Variants in C8A observed in about 807,000 individuals in gnomAD.
C8A encodes the protein complement component C8 alpha chain.
A neutral mutation model predicts 65.3 loss-of-function variants in C8A; 67 were observed. The ratio of observed to expected loss-of-function variants is 1.03; its 90% CI spans 0.84 to 1.26. The LOEUF (loss-of-function observed/expected upper bound fraction) is 1.26, where lower values mean the gene tolerates loss of function less well. Among genes scored for constraint, C8A ranks in the 50% most tolerant of loss-of-function variants. C8A has a pLI of 0.00. For synonymous variants in C8A, 290 were observed against 259.4 expected, an observed-to-expected ratio of 1.12 and a Z score of -1.13; for missense variants, 781 against 723.9, an observed-to-expected ratio of 1.08 and a Z score of -0.90.
At chr1:56,891,606 G>T in intron 7 of C8A, among the ~76,000 whole-genome samples, 1 of 152,106 alleles carries the variant, frequency 6.6e-6, no homozygotes, top group Non-Finnish European at 1.5e-5. Flanking sequence ...ATAGATTTGG[G>T]ATGTATTTTG....
intron 1 of C8A, among the ~76,000 whole-genome samples, chr1:56,865,408 C>T (rs371571785): frequency 1.4e-4 from 21 of 152,314 alleles, no homozygotes; most frequent in Non-Finnish European, 2.2e-4. Context: ...TGTGTCCTCA[C>T]GTGGTGGAAG....
At chr1:56,885,615 G>A (rs1378730238) in intron 6 of C8A, among the ~76,000 whole-genome samples, 1 of 146,606 alleles carries the variant, frequency 6.8e-6, no homozygotes, top group Non-Finnish European at 1.5e-5. Context: ...AGGCTGGAGC[G>A]ATCTCGGCTC....
chr1:56,881,593 T>C lies in C8A; in HGVS notation c.613T>C (p.Tyr205His). ...ERLYYGDDEK[Y>H]FRKPYNFLKY... Reference sequence around the variant, plus strand: ...TCTCTACTATGGAGATGATGAGAAATACTTTCGGAAACCCTACAACTTTCT... The same window carrying C: ...TCTCTACTATGGAGATGATGAGAAACACTTTCGGAAACCCTACAACTTTCT... Residue 205 changes from tyrosine (Y) to histidine (H), a missense_variant, in exon 5 of 11, where the codon TAC (tyrosine) becomes CAC (histidine). Physicochemically the swap from Tyr to His is moderately conservative, Grantham distance 83. Transcript: ENST00000361249. The C allele has an allele frequency of 1.2e-6, 2 of 1,613,716 alleles. No homozygotes were observed. Among genetic ancestry groups the C allele is most frequent in the Non-Finnish European group, 1.7e-6 (2 of 1,179,766 alleles).
intron 2 of C8A, among the ~76,000 whole-genome samples, chr1:56,873,993 C>A (rs942377802): frequency 1.3e-5 from 2 of 152,096 alleles, no homozygotes; most frequent in African/African-American, 4.8e-5. Flanking sequence ...CATTTTAATT[C>A]CTTCCTTCTG....
At chr1:56,888,965 TATA>T (rs1557707651) in intron 7 of C8A, among the ~76,000 whole-genome samples, 1 of 152,162 alleles carries the variant, frequency 6.6e-6, no homozygotes, top group Non-Finnish European at 1.5e-5. Context: ...GTGGTTGTGG[TATA>T]GCCTTTCATT....
chr1:56,856,878 T>C (rs1158300294), intron 1 of C8A, among the ~76,000 whole-genome samples: 3 of 152,034 alleles, frequency 2.0e-5, no homozygotes, highest in African/African-American at 7.2e-5. Flanking sequence ...GAGAAAAACA[T>C]TTTAAAACAA....
At chr1:56,915,354 A>T (rs1423057771) in intron 10 of C8A, among the ~76,000 whole-genome samples, 1 of 152,178 alleles carries the variant, frequency 6.6e-6, no homozygotes, top group Non-Finnish European at 1.5e-5. Context: ...GGCCAGTTCC[A>T]TCTTCCATGG....
intron 1 of C8A, among the ~76,000 whole-genome samples, chr1:56,860,597 CT>C (rs1482446377): frequency 6.6e-6 from 1 of 152,096 alleles, no homozygotes; most frequent in Non-Finnish European, 1.5e-5. Context: ...TAACAAGGAG[CT>C]GCTTAAAAGA....
intron 5 of C8A, 72 bp downstream of exon 5, chr1:56,881,706 G>A (rs1644250214): frequency 2.1e-6 from 3 of 1,396,084 alleles, no homozygotes; most frequent in Non-Finnish European, 3.0e-6. Context: ...TATTTGTGGA[G>A]ATGACTTGCT....
rs1644468026 is a variant in C8A at position 56,906,707 on chromosome 1, C to T, written c.1137C>T (p.Ser379=). The T allele has an allele frequency of 2.0e-5, 32 of 1,614,002 alleles. No homozygotes were observed. Among genetic ancestry groups the T allele is most frequent in the Non-Finnish European group, 2.7e-5 (32 of 1,179,926 alleles). Residue 379 remains serine (S), a synonymous_variant, in exon 8 of 11, where the codon TCC becomes TCT. Coordinates refer to ENST00000361249, the MANE Select transcript of C8A (RefSeq NM_000562.3). ...ATATCACGACATGTTTTGGAGGCTC[C>T]TTGGGCATTCAATATGAAGACAAAA... The part of the protein sequence containing the change: ...SRDITTCFGG[S]LGIQYEDKIN...
At chr1:56,866,259 G>T (rs1432460097) in intron 1 of C8A, among the ~76,000 whole-genome samples, 2 of 152,126 alleles carry the variant, frequency 1.3e-5, no homozygotes, top group Non-Finnish European at 2.9e-5. Context: ...ACATTAAAGG[G>T]ATTTGCAAAA....
chr1:56,878,053 G>A (rs1644215160), intron 4 of C8A, among the ~76,000 whole-genome samples: 1 of 152,164 alleles, frequency 6.6e-6, no homozygotes, highest in African/African-American at 2.4e-5. Context: ...TGAAGTCAGG[G>A]TGTCAGCAGA....
In C8A at chr1:56,906,904, T is replaced by C. The variant is rs1013197144; in HGVS notation, c.1222+112T>C. On this transcript the variant is annotated intron_variant, in intron 8 of 10. Transcript: ENST00000361249. ...CAGTTGATTGCATTTTAGTCAATGA[T>C]CAGACTGCATAGACGCTAAATACCC... 3 of 1,305,440 alleles carry C rather than the reference T, an allele frequency of 2.3e-6. No homozygotes were observed. The African/African-American group carries it at 4.4e-5, about 19-fold the overall frequency. The allele number at this position is 1,305,440 out of a possible 1,614,324, so 80.9% of individuals were successfully genotyped here.
intron 7 of C8A, among the ~76,000 whole-genome samples, chr1:56,897,655 T>C (rs536176473): frequency 6.6e-6 from 1 of 152,312 alleles, no homozygotes; most frequent in African/African-American, 2.4e-5. Flanking sequence ...TCCCTTAAAT[T>C]ACCATCACAT....
At chr1:56,859,586 T>G (rs114344208) in intron 1 of C8A, among the ~76,000 whole-genome samples, 2 of 152,222 alleles carry the variant, frequency 1.3e-5, no homozygotes. Context: ...AAGTTCTGTA[T>G]GGAATTCTAT....
intron 7 of C8A, among the ~76,000 whole-genome samples, chr1:56,894,253 T>C (rs1321044776): frequency 6.6e-6 from 1 of 152,048 alleles, no homozygotes; most frequent in African/African-American, 2.4e-5. Flanking sequence ...GTCTGGTATA[T>C]TTGCTGTGGA....
In C8A at chr1:56,874,985, G is replaced by A; in HGVS notation, c.208G>A (p.Gly70Arg). 6.2e-7 allele frequency: 1 copy of A among 1,613,720 alleles called. No individual in the cohort carries two copies. Among genetic ancestry groups the A allele is most frequent in the Non-Finnish European group, 8.5e-7 (1 of 1,179,812 alleles). ...GAGCCTCTTGCAGCCAAACAAGTTT[G>A]GGGGAACCATCTGCAGTGGTGACAT... ...HRSLLQPNKFGGTICSGDIWD... is the reference protein window; with the variant it reads ...HRSLLQPNKFRGTICSGDIWD... The change falls in exon 3 of 11, where the codon GGG becomes AGG. Residue 70 changes from glycine (G) to arginine (R), a missense_variant. Coordinates refer to ENST00000361249, the MANE Select transcript of C8A (RefSeq NM_000562.3).
In C8A at chr1:56,883,518, A is replaced by G. The variant is rs778118648; in HGVS notation, c.692A>G (p.Asp231Gly). 5.0e-6 allele frequency: 8 copies of G among 1,613,762 alleles called. No individual in the cohort carries two copies. Among genetic ancestry groups the G allele is most frequent in the Admixed American group, 1.7e-5 (1 of 59,948 alleles). ...ADTGISSEFY[D>G]NANDLLSKVK... ...ACTGGAATCTCCTCAGAGTTTTATG[A>G]TAATGCAAATGACCTTCTTTCCAAA... The change falls in exon 6 of 11, where the codon GAT becomes GGT. Residue 231 changes from aspartate to glycine, a missense_variant. Physicochemically the swap from Asp to Gly is moderately conservative, Grantham distance 94 (BLOSUM62 -1). Transcript: ENST00000361249.
chr1:56,865,804 G>A (rs531685369), intron 1 of C8A, among the ~76,000 whole-genome samples: 22 of 152,236 alleles, frequency 1.4e-4, no homozygotes, highest in Middle Eastern at 3.4e-3. Context: ...TGAACTTGAC[G>A]AGATCACTGG....
Sources: gnomAD v4.1 joint callset for allele counts (sites outside exome capture counted in the v4.1 genomes callset) on GRCh38, gnomAD v4.1.1 for gene constraint, MANE v1.5 for transcripts, NCBI Gene and HGNC (gene_info 2026-07-23, HGNC 2026-07-21) for gene names.